The following FHAD1 variants were observed in gnomAD, a reference collection of about 807,000 sequenced individuals.
The protein encoded by FHAD1 is forkhead associated phosphopeptide binding domain 1.
Under a neutral mutation model 191.3 loss-of-function variants are expected in FHAD1, and 146 were observed. The observed-to-expected ratio is 0.76, with a 90% CI of 0.67 to 0.88. The LOEUF (loss-of-function observed/expected upper bound fraction) is 0.88. Ranked by LOEUF, FHAD1 falls within the 40% of genes least tolerant of loss-of-function variation. The probability of loss-of-function intolerance (pLI) is 0.00; values close to 1 mark genes in which losing one functional copy is unlikely to be tolerated. For synonymous variants in FHAD1, 616 were observed against 672.3 expected, an observed-to-expected ratio of 0.92 and a Z score of 1.29; for missense variants, 1,635 against 1,785.8, an observed-to-expected ratio of 0.92 and a Z score of 1.52.
chr1:15,288,893 G>T (rs1227964467), intron 3 of FHAD1, among the ~76,000 whole-genome samples: 1 of 152,240 alleles, frequency 6.6e-6, no homozygotes, highest in East Asian at 1.9e-4. Flanking sequence ...CAATGGTGGT[G>T]TGATCGTGTG....
Position 15,375,686 on chromosome 1 carries a change from G to A in FHAD1, c.3661G>A (p.Ala1221Thr), listed in dbSNP as rs1699382558. The change falls in exon 28 of 34, where the codon GCA becomes ACA. Residue 1221 changes from alanine (A) to threonine (T), a missense_variant. Coordinates refer to ENST00000688493, the MANE Select transcript of FHAD1 (RefSeq NM_001391957.1). The part of the protein sequence containing the change: ...ENNVQKILLD[A>T]KPDLPTLSRI... ...CAATGTCCAGAAAATACTACTGGAT[G>A]CAAAACCGGATTTGCCAACTCTCTC... is the stretch of plus-strand genomic sequence containing the variant. 1.9e-6 allele frequency: 3 copies of A among 1,547,058 alleles called. No individual in the cohort carries two copies. The highest frequency in any genetic ancestry group is 1.2e-5 in the South Asian group (1 of 83,008).
At chr1:15,371,639 C>T in intron 26 of FHAD1, among the ~76,000 whole-genome samples, 1 of 152,306 alleles carries the variant, frequency 6.6e-6, no homozygotes, top group South Asian at 2.1e-4. Context: ...GTATCTGCTG[C>T]CCCCTGCTAT....
upstream of FHAD1, among the ~76,000 whole-genome samples, chr1:15,245,733 G>A (rs187323202): frequency 8.5e-5 from 13 of 152,296 alleles, no homozygotes; most frequent in East Asian, 1.9e-4. Context: ...GACAGGCTCC[G>A]GGAGAGGTCT....
intron 24 of FHAD1, 101 bp downstream of exon 24, chr1:15,366,034 TC>T: frequency 1.3e-6 from 1 of 764,684 alleles, no homozygotes; most frequent in South Asian, 1.8e-5. Context: ...ACGCCTATAA[TC>T]CCAGCACTTT....
In FHAD1 at chr1:15,349,225, C is replaced by T. The variant is rs12083910; in HGVS notation, c.2454+76C>T. On this transcript the variant is annotated intron_variant, in intron 19 of 33. Transcript: ENST00000688493. The stretch of plus-strand genomic sequence containing the variant: ...TCCCTGGGAGAGTACAGTGGGAAAT[C>T]GGGCAGATATCAGAGCCATGCCTCC... The T allele has an allele frequency of 7.8e-3, 8,994 of 1,156,978 alleles. 339 individuals are homozygous for T. The African/African-American group carries it at 0.099, about 13-fold the overall frequency. 71.7% of individuals were successfully genotyped at this position (1,156,978 alleles called of 1,614,324 possible). A position where few individuals can be genotyped will look rare whatever the true frequency, so the allele number is the denominator to read the frequency against.
intron 11 of FHAD1, 70 bp downstream of exon 11, chr1:15,324,629 G>A (rs1392224828): frequency 1.8e-6 from 2 of 1,128,444 alleles, no homozygotes; most frequent in Middle Eastern, 2.0e-4. Context: ...AGCCAGTGGG[G>A]GTGAGAGAGG....
intron 20 of FHAD1, 37 bp from the exon 21 acceptor site, chr1:15,358,073 G>A (rs1175623102): frequency 1.4e-6 from 2 of 1,428,942 alleles, no homozygotes. Flanking sequence ...ATGTATTCCT[G>A]AATGTCTGTT....
chr1:15,366,315 G>C (rs1192215094), intron 24 of FHAD1, among the ~76,000 whole-genome samples: 1 of 134,616 alleles, frequency 7.4e-6, no homozygotes, highest in Non-Finnish European at 1.6e-5. Context: ...AAAAAGAGTT[G>C]AAAACCTTGG....
At chr1:15,256,967 G>A (rs1648495346) in intron 2 of FHAD1, among the ~76,000 whole-genome samples, 1 of 152,152 alleles carries the variant, frequency 6.6e-6, no homozygotes, top group Non-Finnish European at 1.5e-5. Context: ...GGGATCAGAG[G>A]GTCAGGGCAC....
At chr1:15,280,921 G>A (rs1164381491) in intron 3 of FHAD1, among the ~76,000 whole-genome samples, 1 of 152,202 alleles carries the variant, frequency 6.6e-6, no homozygotes, top group Non-Finnish European at 1.5e-5. Context: ...AACCCACCTG[G>A]CCAAAATCCA....
At position 15,301,287 on chromosome 1, in the gene FHAD1, T is replaced by C; in HGVS notation, c.761T>C (p.Ile254Thr). 6.4e-7 allele frequency: 1 copy of C among 1,551,732 alleles called. No homozygotes were observed. The highest frequency in any genetic ancestry group is 8.7e-7 in the Non-Finnish European group (1 of 1,146,994). Residue 254 changes from isoleucine to threonine, a missense_variant, in exon 6 of 34, where the codon ATA (isoleucine) becomes ACA (threonine). Transcript: ENST00000688493. ...GAATCCAAATACAAAGACGTCATAA[T>C]AGCAAACCTGCAGAATGAAGTGGCT... ...EIESKYKDVI[I>T]ANLQNEVAEL...
chr1:15,288,527 C>T (rs1292124531), intron 3 of FHAD1, among the ~76,000 whole-genome samples: 2 of 152,212 alleles, frequency 1.3e-5, no homozygotes, highest in African/African-American at 4.8e-5. Flanking sequence ...TAGAGGGACC[C>T]ACAGTATGGA....
chr1:15,337,103 G>C (rs1684488919), intron 14 of FHAD1, among the ~76,000 whole-genome samples: 1 of 152,192 alleles, frequency 6.6e-6, no homozygotes, highest in Non-Finnish European at 1.5e-5. Flanking sequence ...GCAGTAGGTG[G>C]GGTCCCTGGC....
At chr1:15,314,387 C>G (rs985315466) in intron 8 of FHAD1, 3 of 152,156 alleles carry the variant, frequency 2.0e-5, no homozygotes, top group Non-Finnish European at 4.4e-5. Context: ...AGACCAGGGT[C>G]CGAGCCCAGA....
At chr1:15,262,546 C>T (rs970320184) in intron 2 of FHAD1, among the ~76,000 whole-genome samples, 2 of 152,226 alleles carry the variant, frequency 1.3e-5, no homozygotes, top group African/African-American at 4.8e-5. Context: ...GCTGGGATTA[C>T]AGGTGTGAGC....
chr1:15,345,717 C>A (rs1688658502), intron 18 of FHAD1, 194 bp downstream of exon 18: 1 of 598,324 alleles, frequency 1.7e-6, no homozygotes, highest in Non-Finnish European at 3.0e-6. Context: ...GCCTTGACAA[C>A]CAGTTGGGAA....
chr1:15,339,648 G>A (rs1685710188), intron 15 of FHAD1, 97 bp downstream of exon 15: 3 of 438,976 alleles, frequency 6.8e-6, no homozygotes, highest in South Asian at 6.0e-5. Context: ...TTCTTTATCA[G>A]CTAGTCCAGT....
chr1:15,350,346 G>A (rs1356133930), intron 19 of FHAD1, among the ~76,000 whole-genome samples: 1 of 152,222 alleles, frequency 6.6e-6, no homozygotes, highest in Non-Finnish European at 1.5e-5. Flanking sequence ...CCCGAGGGCA[G>A]GACCGCTCAG....
chr1:15,246,597 C>T (rs1646068983), upstream of FHAD1, among the ~76,000 whole-genome samples: 1 of 152,064 alleles, frequency 6.6e-6, no homozygotes, highest in Non-Finnish European at 1.5e-5. Context: ...ATTCTGGGAT[C>T]AGCGTGTGAC....
Sources: allele counts gnomAD v4.1 joint callset (sites outside exome capture counted in the v4.1 genomes callset), GRCh38; gene constraint gnomAD v4.1.1; transcripts MANE v1.5; gene names NCBI Gene and HGNC (gene_info 2026-07-23, HGNC 2026-07-21).